Variants in SPTLC2 observed in about 807,000 individuals in gnomAD.
SPTLC2 encodes serine palmitoyltransferase 2.
A neutral mutation model predicts 62.0 loss-of-function variants in SPTLC2; 21 were observed. The ratio of observed to expected loss-of-function variants is 0.34; its 90% CI spans 0.24 to 0.49. The LOEUF (loss-of-function observed/expected upper bound fraction) is 0.49. SPTLC2 is among the 20% of genes least tolerant of loss of function. The pLI is 0.99. For missense variants in SPTLC2, 511 were observed against 713.0 expected (o/e 0.72, Z 3.23); for synonymous variants, 261 against 261.8 (o/e 1.00, Z 0.03).
chr14:77,515,097 C>T (rs1231045087), intron 11 of SPTLC2, among the ~76,000 whole-genome samples: 1 of 152,188 alleles, frequency 6.6e-6, no homozygotes, highest in African/African-American at 2.4e-5. Flanking sequence ...TATTTCTGAA[C>T]TCTGAATTCT....
At chr14:77,513,904 A>AAAG (rs1487387464) in intron 11 of SPTLC2, among the ~76,000 whole-genome samples, 3 of 150,880 alleles carry the variant, frequency 2.0e-5, no homozygotes, top group African/African-American at 7.3e-5. Flanking sequence ...TCAAAAAAAA[A>AAAG]AAAAAAAAAG....
intron 8 of SPTLC2, among the ~76,000 whole-genome samples, chr14:77,552,693 C>G (rs1441232832): frequency 6.6e-6 from 1 of 151,326 alleles, no homozygotes; most frequent in African/African-American, 2.4e-5. Flanking sequence ...ATAATCCCAG[C>G]TACTTGGGAG....
intron 9 of SPTLC2, among the ~76,000 whole-genome samples, chr14:77,551,511 A>G (rs2079555728): frequency 6.6e-6 from 1 of 152,112 alleles, no homozygotes; most frequent in Non-Finnish European, 1.5e-5. Flanking sequence ...ACTGTTCTGC[A>G]GTCAATACTG....
Position 77,518,111 on chromosome 14 carries a change from G to C in SPTLC2, c.1496C>G (p.Pro499Arg). The change falls in exon 11 of 12, where the codon CCT becomes CGT. Residue 499 changes from proline (P) to arginine (R), a missense_variant. By Grantham distance (103) the Pro-to-Arg change is moderately radical. Coordinates refer to ENST00000216484, the MANE Select transcript of SPTLC2 (RefSeq NM_004863.4). ...RNIGVVVVGF[P>R]ATPIIESRAR... Reference sequence around the variant, plus strand: ...TCTGGACTCAATAATTGGGGTGGCAGGAAATCCAACCACAACGACACCGAT... The same window carrying C: ...TCTGGACTCAATAATTGGGGTGGCACGAAATCCAACCACAACGACACCGAT... The C allele has an allele frequency of 6.2e-7, 1 of 1,614,148 alleles. No homozygotes were observed. Among genetic ancestry groups the C allele is most frequent in the Non-Finnish European group, 8.5e-7 (1 of 1,180,032 alleles).
intron 11 of SPTLC2, among the ~76,000 whole-genome samples, chr14:77,512,908 G>T (rs1462186927): frequency 6.6e-6 from 1 of 151,126 alleles, no homozygotes; most frequent in Non-Finnish European, 1.5e-5. Flanking sequence ...TAGAGATGGG[G>T]TTTCACCATG....
intron 1 of SPTLC2, among the ~76,000 whole-genome samples, chr14:77,604,356 A>G (rs1294485020): frequency 1.3e-5 from 2 of 152,118 alleles, no homozygotes; most frequent in African/African-American, 4.8e-5. Flanking sequence ...GACTTGTTCA[A>G]TTTCATCCCC....
rs149271129 is a variant in SPTLC2, at chr14:77,586,143, T to C, written c.328-7034A>G. Among the ~76,000 whole-genome samples, 517 of 151,142 alleles carry C rather than the reference T, an allele frequency of 3.4e-3. 2 individuals carry two copies. Among genetic ancestry groups the C allele is most frequent in the African/African-American group, 0.012 (484 of 41,252 alleles). Reference sequence around the variant, plus strand: ...CAGGCTGGAGTGCAGTGACGCAATCTAGACTCACTGCAACATTCGCCTCCT... The same window carrying C: ...CAGGCTGGAGTGCAGTGACGCAATCCAGACTCACTGCAACATTCGCCTCCT... On this transcript the variant is annotated intron_variant, in intron 2 of 11. Coordinates refer to ENST00000216484, the MANE Select transcript of SPTLC2 (RefSeq NM_004863.4).
At chr14:77,522,923 T>C (rs2079391597) in intron 9 of SPTLC2, among the ~76,000 whole-genome samples, 1 of 152,210 alleles carries the variant, frequency 6.6e-6, no homozygotes, top group Non-Finnish European at 1.5e-5. Context: ...ATATCCATCA[T>C]TCATGGGAAG....
chr14:77,527,809 A>G (rs1352143578), intron 9 of SPTLC2, among the ~76,000 whole-genome samples: 1 of 152,146 alleles, frequency 6.6e-6, no homozygotes, highest in African/African-American at 2.4e-5. Context: ...GGCAGCAGAC[A>G]TTTTTGTCTT....
chr14:77,540,695 G>A (rs894021299), intron 9 of SPTLC2, among the ~76,000 whole-genome samples: 3 of 152,046 alleles, frequency 2.0e-5, no homozygotes, highest in Non-Finnish European at 4.4e-5. Context: ...GGCTGGTCTC[G>A]AACTCCTGAC....
In SPTLC2 at chr14:77,552,085, G is replaced by C; in HGVS notation, c.1303+11C>G. The C allele has an allele frequency of 6.2e-7, 1 of 1,613,802 alleles. No homozygotes were observed. Among genetic ancestry groups the C allele is most frequent in the Non-Finnish European group, 8.5e-7 (1 of 1,179,926 alleles). On this transcript the variant is annotated intron_variant, in intron 9 of 11. Transcript: ENST00000216484. ...GGACTTATGCAATGTTTCAAGAAAA[G>C]AAAGACTTACCAAGGCTGGTGCCAT...
At chr14:77,594,847 A>C (rs201961179) in intron 2 of SPTLC2, among the ~76,000 whole-genome samples, 5 of 107,458 alleles carry the variant, frequency 4.7e-5, no homozygotes, top group Admixed American at 3.5e-4. Context: ...CCTGCAGATA[A>C]AGAGTTTTTA....
At chr14:77,578,106 C>T (rs1307682808) in intron 3 of SPTLC2, among the ~76,000 whole-genome samples, 2 of 152,140 alleles carry the variant, frequency 1.3e-5, no homozygotes, top group Admixed American at 6.5e-5. Context: ...GATTGTGACA[C>T]TGCACTCCAG....
chr14:77,556,599 C>A (rs2079585218), intron 7 of SPTLC2, among the ~76,000 whole-genome samples: 1 of 152,048 alleles, frequency 6.6e-6, no homozygotes, highest in Non-Finnish European at 1.5e-5. Context: ...CACTATGTTG[C>A]CCAAGCTGGT....
intron 5 of SPTLC2, 35 bp downstream of exon 5, chr14:77,570,349 A>C (rs181627814): frequency 1.1e-5 from 17 of 1,609,584 alleles, no homozygotes; most frequent in Non-Finnish European, 1.4e-5. Context: ...GAAGATATAC[A>C]TGAGGGAGTT....
intron 2 of SPTLC2, among the ~76,000 whole-genome samples, chr14:77,596,470 TC>T (rs2079848193): frequency 6.6e-6 from 1 of 152,032 alleles, no homozygotes; most frequent in African/African-American, 2.4e-5. Flanking sequence ...ACCACTGCAC[TC>T]CAGCCTGGGT....
At chr14:77,569,789 AAT>A (rs1288544274) in intron 5 of SPTLC2, among the ~76,000 whole-genome samples, 1 of 75,316 alleles carries the variant, frequency 1.3e-5, no homozygotes, top group Admixed American at 1.5e-4. Context: ...TGTAATATGT[AAT>A]ATATATAATA....
intron 6 of SPTLC2, among the ~76,000 whole-genome samples, chr14:77,561,569 CCACTG>C (rs1352311388): frequency 6.6e-6 from 1 of 151,564 alleles, no homozygotes; most frequent in Non-Finnish European, 1.5e-5. Flanking sequence ...CAAGATTGAG[CCACTG>C]CACTCCAGCC....
chr14:77,511,214 C>A lies in SPTLC2; in HGVS notation c.*1070G>T, dbSNP rs2079330688. Reference sequence around the variant, plus strand: ...CTTCTAAGAGGCCTAAATTAATAAACCTAATCCTTAAATAGGAACATGATA... The same window carrying A: ...CTTCTAAGAGGCCTAAATTAATAAAACTAATCCTTAAATAGGAACATGATA... On this transcript the variant is annotated 3_prime_UTR_variant, in exon 12 of 12. Transcript: ENST00000216484. The A allele has an allele frequency of 1.3e-5, 2 of 152,164 alleles. No homozygotes were observed. The highest frequency in any genetic ancestry group is 4.1e-4 in the South Asian group (2 of 4,830). The allele number at this position is 152,164 out of a possible 1,614,324, so 9.4% of individuals were successfully genotyped here. A position where few individuals can be genotyped will look rare whatever the true frequency, so the allele number is the denominator to read the frequency against.
Sources: gnomAD v4.1 joint callset for allele counts (sites outside exome capture counted in the v4.1 genomes callset) on GRCh38, gnomAD v4.1.1 for gene constraint, MANE v1.5 for transcripts, NCBI Gene and HGNC (gene_info 2026-07-23, HGNC 2026-07-21) for gene names.